The following RABEP1 variants were observed in gnomAD, a reference collection of about 807,000 sequenced individuals.
RABEP1 encodes rabaptin, RAB GTPase binding effector protein 1, also known as rab GTPase-binding effector protein 1.
In RABEP1, 51 loss-of-function variants were observed where a neutral mutation model predicts 123.4. The observed-to-expected ratio is 0.41, with a 90% CI of 0.33 to 0.52. The LOEUF is 0.52. Among genes scored for constraint, RABEP1 ranks in the 20% least tolerant of loss-of-function variants. The pLI is 0.16. For synonymous variants in RABEP1, 347 were observed against 355.2 expected, an observed-to-expected ratio of 0.98 and a Z score of 0.26; for missense variants, 888 against 996.3, an observed-to-expected ratio of 0.89 and a Z score of 1.46.
chr17:5,377,204 A>C lies in RABEP1; in HGVS notation c.2114A>C (p.Glu705Ala), dbSNP rs1035074353. 1.2e-6 allele frequency: 2 copies of C among 1,613,462 alleles called. No individual in the cohort carries two copies. The highest frequency in any genetic ancestry group is 1.7e-6 in the Non-Finnish European group (2 of 1,179,884). The change falls in exon 14 of 18, where the codon GAG becomes GCG. Residue 705 changes from glutamate to alanine, a missense_variant. Coordinates refer to ENST00000537505, the MANE Select transcript of RABEP1 (RefSeq NM_004703.6). ...ADHVEEKLKA[E>A]ILFLKEQIQA... ...CACGTAGAAGAAAAGCTGAAGGCTG[A>C]GATACTTTTCCTAAAAGAGCAGATC... is the stretch of plus-strand genomic sequence containing the variant.
chr17:5,356,091 T>C (rs551303806), intron 8 of RABEP1, among the ~76,000 whole-genome samples: 1 of 152,344 alleles, frequency 6.6e-6, no homozygotes, highest in East Asian at 1.9e-4. Flanking sequence ...TTTTGCAGTT[T>C]GAATGTTGAA....
At chr17:5,331,888 A>G in intron 2 of RABEP1, 61 bp from the exon 3 acceptor site, 1 of 1,449,168 alleles carries the variant, frequency 6.9e-7, no homozygotes, top group Non-Finnish European at 9.6e-7. Flanking sequence ...TTATTTCTTT[A>G]TTGGAATGCC....
At chr17:5,308,633 A>G in intron 1 of RABEP1, 61 bp from the exon 2 acceptor site, 1 of 1,460,152 alleles carries the variant, frequency 6.8e-7, no homozygotes, top group Non-Finnish European at 9.3e-7. Flanking sequence ...ATACTAATTT[A>G]CTGTTTTATA....
intron 1 of RABEP1, among the ~76,000 whole-genome samples, chr17:5,288,465 G>T (rs1199582199): frequency 6.6e-6 from 1 of 151,190 alleles, no homozygotes; most frequent in Admixed American, 6.6e-5. Flanking sequence ...GCACTATCTC[G>T]GCTCACTGGA....
intron 1 of RABEP1, among the ~76,000 whole-genome samples, chr17:5,293,160 G>T (rs536500839): frequency 6.6e-6 from 1 of 152,034 alleles, no homozygotes; most frequent in Non-Finnish European, 1.5e-5. Flanking sequence ...GGTGGTGCGT[G>T]CCTGTAATCC....
chr17:5,314,520 GT>G (rs369819159), intron 2 of RABEP1, among the ~76,000 whole-genome samples: 1,289 of 114,314 alleles, frequency 0.011, 8 homozygotes, highest in African/African-American at 0.025. Flanking sequence ...ATTTCTGAAA[GT>G]TTTTTTTTTT....
chr17:5,291,738 T>C (rs2075035618), intron 1 of RABEP1, among the ~76,000 whole-genome samples: 1 of 152,012 alleles, frequency 6.6e-6, no homozygotes, highest in African/African-American at 2.4e-5. Context: ...GAAATTCCGT[T>C]TCTACTAAAA....
In RABEP1 at chr17:5,323,859, A is replaced by AAT. The variant is rs545478394; in HGVS notation, c.164-8077_164-8076dup. 2.8e-3 allele frequency among the ~76,000 whole-genome samples: 365 copies of AAT among 128,140 alleles called. 33 individuals carry two copies. The highest frequency in any genetic ancestry group is 0.011 in the African/African-American group (343 of 31,278). 84.1% of individuals were successfully genotyped at this position (128,140 alleles called of 152,430 possible). A position where few individuals can be genotyped will look rare whatever the true frequency, so the allele number is the denominator to read the frequency against. On this transcript the variant is annotated intron_variant, in intron 2 of 17. Transcript: ENST00000537505. ...CTAGGAATATATATATATATCTAGG[A>AAT]ATATATATATATATCTAGGAATCAA...
intron 1 of RABEP1, among the ~76,000 whole-genome samples, chr17:5,305,327 T>A (rs533311960): frequency 1.3e-5 from 2 of 152,272 alleles, no homozygotes; most frequent in South Asian, 4.2e-4. Flanking sequence ...AGATCATGAT[T>A]TCTAGAACTG....
At chr17:5,363,509 C>G (rs1018114541) in intron 10 of RABEP1, among the ~76,000 whole-genome samples, 2 of 152,040 alleles carry the variant, frequency 1.3e-5, no homozygotes, top group Non-Finnish European at 2.9e-5. Flanking sequence ...TGAGCCACCG[C>G]GCTCGGCCAG....
chr17:5,351,339 A>C (rs2144649838), intron 7 of RABEP1, among the ~76,000 whole-genome samples: 1 of 152,134 alleles, frequency 6.6e-6, no homozygotes, highest in East Asian at 1.9e-4. Flanking sequence ...AAAAATAAAT[A>C]TAAAGTGATC....
intron 1 of RABEP1, 55 bp downstream of exon 1, chr17:5,282,575 C>G: frequency 9.0e-7 from 1 of 1,105,796 alleles, no homozygotes; most frequent in Non-Finnish European, 1.1e-6. Context: ...GCGTCGGCGT[C>G]GCGGGAGGAT....
chr17:5,365,670 A>C (rs1909946588), intron 11 of RABEP1, among the ~76,000 whole-genome samples: 1 of 152,158 alleles, frequency 6.6e-6, no homozygotes, highest in Non-Finnish European at 1.5e-5. Context: ...GGTACCCCAG[A>C]AGCCCTCACT....
intron 11 of RABEP1, among the ~76,000 whole-genome samples, chr17:5,367,245 T>TAC (rs145302611): frequency 0.068 from 9,974 of 147,636 alleles, 389 homozygotes; most frequent in East Asian, 0.16. Flanking sequence ...AGAACTTAGA[T>TAC]ACACACACAC....
Position 5,383,834 on chromosome 17 carries a change from A to T in RABEP1, c.*611A>T, listed in dbSNP as rs987919684. ...AGAACCATAGGACTGTGGCAAACAA[A>T]ACCAATTCATGAAGTGAATTAATGA... On this transcript the variant is annotated 3_prime_UTR_variant, in exon 18 of 18. Coordinates refer to ENST00000537505, the MANE Select transcript of RABEP1 (RefSeq NM_004703.6). The T allele has an allele frequency of 4.5e-6, 1 of 224,246 alleles. No individual in the cohort carries two copies. The highest frequency in any genetic ancestry group is 2.2e-5 in the African/African-American group (1 of 44,754). The allele number at this position is 224,246 out of a possible 1,614,324, so 13.9% of individuals were successfully genotyped here.
rs1456434357 is a variant in RABEP1 at position 5,336,849 on chromosome 17, AAAC to A, written c.529-1167_529-1165del. On this transcript the variant is annotated intron_variant, in intron 4 of 17. Transcript: ENST00000537505. The stretch of plus-strand genomic sequence containing the variant: ...ATGATGGCTTTGTGTAAGGACCTGA[AAAC>A]AAAGTGAATCTGAACCTGTTTTTTG... 3.9e-5 allele frequency among the ~76,000 whole-genome samples: 6 copies of A among 152,340 alleles called. No individual in the cohort carries two copies. In the South Asian group the frequency reaches 1.2e-3, roughly 32 times the overall value.
chr17:5,336,315 C>T (rs1478704758), intron 4 of RABEP1, among the ~76,000 whole-genome samples: 1 of 152,128 alleles, frequency 6.6e-6, no homozygotes, highest in Non-Finnish European at 1.5e-5. Context: ...GAAGATAGTA[C>T]AGAGTTCCTA....
chr17:5,357,268 C>T (rs1316079667), intron 8 of RABEP1, among the ~76,000 whole-genome samples: 1 of 152,138 alleles, frequency 6.6e-6, no homozygotes, highest in Admixed American at 6.6e-5. Flanking sequence ...AAGGTTTTGG[C>T]ACATCATTAA....
Position 5,299,705 on chromosome 17 carries a change from TC to T in RABEP1, c.35-8988del, listed in dbSNP as rs1261132533. Among the ~76,000 whole-genome samples, 26 of 144,410 alleles carry T rather than the reference TC, an allele frequency of 1.8e-4. 1 individual carries two copies. Among genetic ancestry groups the T allele is most frequent in the Middle Eastern group, 3.4e-3 (1 of 290 alleles). 94.7% of individuals were successfully genotyped at this position (144,410 alleles called of 152,430 possible). On this transcript the variant is annotated intron_variant, in intron 1 of 17. Transcript: ENST00000537505. ...GCTGCTCTCTGCACTCATTTCTTTT[TC>T]TTTTTTTCTTTTCTTTTTCTTTTTC... is the stretch of plus-strand genomic sequence containing the variant.
Sources: allele counts gnomAD v4.1 joint callset (sites outside exome capture counted in the v4.1 genomes callset), GRCh38; gene constraint gnomAD v4.1.1; transcripts MANE v1.5; gene names NCBI Gene and HGNC (gene_info 2026-07-23, HGNC 2026-07-21).